The following ARMC8 variants were observed in gnomAD, a reference collection of about 807,000 sequenced individuals.
ARMC8 encodes the protein armadillo repeat containing 8.
In ARMC8, 20 loss-of-function variants were observed where a neutral mutation model predicts 99.3. The ratio of observed to expected loss-of-function variants is 0.20; its 90% CI spans 0.14 to 0.29. The LOEUF (loss-of-function observed/expected upper bound fraction) is 0.29, where lower values mean the gene tolerates loss of function less well. ARMC8 is among the 10% of genes least tolerant of loss of function. The pLI is 1.00. For missense variants in ARMC8, 569 were observed against 809.5 expected (o/e 0.70, Z 3.60); for synonymous variants, 263 against 278.3 (o/e 0.95, Z 0.55).
chr3:138,247,460 C>T (rs540914656), intron 12 of ARMC8, among the ~76,000 whole-genome samples: 1 of 152,242 alleles, frequency 6.6e-6, no homozygotes, highest in East Asian at 1.9e-4. Context: ...CCCTCAAAAA[C>T]CAACAAAAAG....
chr3:138,262,432 G>T, intron 12 of ARMC8: 2 of 1,269,196 alleles, frequency 1.6e-6, no homozygotes, highest in East Asian at 2.4e-5. Flanking sequence ...TATTTTCCCT[G>T]ATCATTGTTA....
intron 1 of ARMC8, among the ~76,000 whole-genome samples, chr3:138,207,270 A>G (rs912506076): frequency 6.6e-6 from 1 of 152,352 alleles, no homozygotes; most frequent in Non-Finnish European, 1.5e-5. Context: ...TGTTGTGTAT[A>G]CTATAATTCT....
At chr3:138,214,817 C>T (rs952815065) in intron 2 of ARMC8, among the ~76,000 whole-genome samples, 1 of 152,088 alleles carries the variant, frequency 6.6e-6, no homozygotes, top group Non-Finnish European at 1.5e-5. Context: ...CCATGCACAG[C>T]TAATTTTTGT....
At chr3:138,241,652 T>C in intron 10 of ARMC8, 131 bp from the exon 11 acceptor site, 1 of 800,990 alleles carries the variant, frequency 1.2e-6, no homozygotes, top group Non-Finnish European at 2.0e-6. Context: ...TTTTATTCTC[T>C]AGAAGTCAGT....
intron 20 of ARMC8, 76 bp downstream of exon 20, chr3:138,289,196 CT>C: frequency 8.7e-7 from 1 of 1,151,972 alleles, no homozygotes; most frequent in South Asian, 1.3e-5. Flanking sequence ...GCAGGTGCCC[CT>C]GAGATCCTGG....
chr3:138,194,031 C>T (rs916283230), intron 1 of ARMC8, among the ~76,000 whole-genome samples: 3 of 151,082 alleles, frequency 2.0e-5, no homozygotes, highest in Non-Finnish European at 4.4e-5. Context: ...CAGTCCTTTC[C>T]CAGTGGCATT....
At chr3:138,295,174 C>G (rs186229990) in intron 21 of ARMC8, among the ~76,000 whole-genome samples, 1 of 152,160 alleles carries the variant, frequency 6.6e-6, no homozygotes, top group Non-Finnish European at 1.5e-5. Flanking sequence ...GCTGGAATTA[C>G]AGGTGTGAGC....
chr3:138,191,618 C>T (rs1458072290), intron 1 of ARMC8, among the ~76,000 whole-genome samples: 1 of 152,128 alleles, frequency 6.6e-6, no homozygotes, highest in Non-Finnish European at 1.5e-5. Context: ...GCAAAGATCT[C>T]CCTCATATTC....
intron 7 of ARMC8, 88 bp from the exon 8 acceptor site, chr3:138,237,221 A>G: frequency 8.5e-7 from 1 of 1,178,154 alleles, no homozygotes. Context: ...GATTTACATA[A>G]TTTTTTAGAA....
rs555324566 is a variant in ARMC8 at position 138,255,196 on chromosome 3, T to G, written c.1135-8543T>G. 9.3e-4 allele frequency among the ~76,000 whole-genome samples: 137 copies of G among 146,536 alleles called. 1 individual carries two copies. The highest frequency in any genetic ancestry group is 3.5e-3 in the African/African-American group (131 of 37,968). ...CCCAAACATTGTTCTGTTCTGTTTT[T>G]TTTTTTTTTGTTTTTTTTTTTTTTG... On this transcript the variant is annotated intron_variant, in intron 12 of 21. Transcript: ENST00000469044.
rs2043123732 is a variant in ARMC8, at chr3:138,187,445, G to A, written c.-110G>A. 1 of 1,167,274 alleles carries A rather than the reference G, an allele frequency of 8.6e-7. No homozygotes were observed. The highest frequency in any genetic ancestry group is 1.5e-5 in the African/African-American group (1 of 65,742). The allele number at this position is 1,167,274 out of a possible 1,614,324, so 72.3% of individuals were successfully genotyped here. On this transcript the variant is annotated 5_prime_UTR_variant, in exon 1 of 22. Transcript: ENST00000469044. Reference sequence around the variant, plus strand: ...GGTGTCCAGAGCGTGGCCAGTTCTCGTCTATCTGGCTGCCTTTAGGGAGCG... The same window carrying A: ...GGTGTCCAGAGCGTGGCCAGTTCTCATCTATCTGGCTGCCTTTAGGGAGCG...
intron 15 of ARMC8, among the ~76,000 whole-genome samples, chr3:138,268,185 G>C (rs2048455868): frequency 6.6e-6 from 1 of 152,176 alleles, no homozygotes; most frequent in African/African-American, 2.4e-5. Context: ...AAAGGTTGCA[G>C]TGAGCTGAGA....
intron 12 of ARMC8, chr3:138,261,869 C>T (rs913428958): frequency 2.0e-5 from 3 of 152,158 alleles, no homozygotes; most frequent in Admixed American, 1.3e-4. Flanking sequence ...CAATGTGTGT[C>T]CCCAAAATCA....
intron 12 of ARMC8, among the ~76,000 whole-genome samples, chr3:138,257,719 T>C (rs2047478076): frequency 6.6e-6 from 1 of 152,162 alleles, no homozygotes. Flanking sequence ...AAATAAATGG[T>C]CCTGCTAGGA....
chr3:138,225,493 C>T (rs898612681), intron 5 of ARMC8, among the ~76,000 whole-genome samples: 2 of 152,086 alleles, frequency 1.3e-5, no homozygotes, highest in Non-Finnish European at 2.9e-5. Flanking sequence ...ACAGTTAGGC[C>T]AATATTTTTA....
chr3:138,233,189 G>GT (rs2046147941), intron 6 of ARMC8, among the ~76,000 whole-genome samples: 1 of 152,176 alleles, frequency 6.6e-6, no homozygotes, highest in Non-Finnish European at 1.5e-5. Context: ...CCAGTATCCA[G>GT]TAAGTAGTAC....
intron 1 of ARMC8, among the ~76,000 whole-genome samples, chr3:138,196,400 A>T (rs1391564712): frequency 1.3e-5 from 2 of 152,188 alleles, no homozygotes; most frequent in Non-Finnish European, 2.9e-5. Context: ...TGGCATCATC[A>T]GTGTATTGAT....
intron 3 of ARMC8, 136 bp from the exon 4 acceptor site, chr3:138,223,251 GAT>G (rs2045503468): frequency 2.8e-6 from 2 of 709,114 alleles, no homozygotes; most frequent in Non-Finnish European, 2.3e-6. Flanking sequence ...TAGCAGATGA[GAT>G]AAACAAATGA....
intron 6 of ARMC8, among the ~76,000 whole-genome samples, chr3:138,233,846 T>G (rs529435145): frequency 6.6e-6 from 1 of 152,246 alleles, no homozygotes; most frequent in Non-Finnish European, 1.5e-5. Context: ...ATTTTTCTCT[T>G]CTGAGTGATG....
Sources: gnomAD v4.1 joint callset for allele counts (sites outside exome capture counted in the v4.1 genomes callset) on GRCh38, gnomAD v4.1.1 for gene constraint, MANE v1.5 for transcripts, NCBI Gene and HGNC (gene_info 2026-07-23, HGNC 2026-07-21) for gene names.